OXR1: variants seen among roughly 807,000 people sequenced by gnomAD.
The protein encoded by OXR1 is oxidation resistance protein 1.
A neutral mutation model predicts 104.6 loss-of-function variants in OXR1; 41 were observed. That is an observed-to-expected ratio of 0.39 (90% CI 0.31 to 0.51). OXR1 has a LOEUF of 0.51. Among genes scored for constraint, OXR1 ranks in the 20% least tolerant of loss-of-function variants. The probability of loss-of-function intolerance (pLI) is 0.77; values close to 1 mark genes in which losing one functional copy is unlikely to be tolerated. For synonymous variants in OXR1, 348 were observed against 348.4 expected (o/e 1.00, Z 0.01); for missense variants, 955 against 1,031.9 (o/e 0.93, Z 1.02).
intron 11 of OXR1, among the ~76,000 whole-genome samples, chr8:106,728,392 C>G (rs1833553073): frequency 6.6e-6 from 1 of 152,096 alleles, no homozygotes; most frequent in African/African-American, 2.4e-5. Context: ...ACTGAGGTAT[C>G]TATAGATACC....
At chr8:106,276,041 T>C (rs1812023460) in intron 1 of OXR1, among the ~76,000 whole-genome samples, 1 of 152,162 alleles carries the variant, frequency 6.6e-6, no homozygotes, top group African/African-American at 2.4e-5. Context: ...CTCTTCTATC[T>C]CTGGATTATT....
chr8:106,317,297 T>C (rs1218382382), intron 1 of OXR1, among the ~76,000 whole-genome samples: 1 of 152,164 alleles, frequency 6.6e-6, no homozygotes, highest in Non-Finnish European at 1.5e-5. Context: ...CATTTTTATG[T>C]TTAGGGTTAG....
intron 3 of OXR1, chr8:106,658,264 GC>G (rs1435418729): frequency 8.2e-7 from 1 of 1,223,752 alleles, no homozygotes; most frequent in Non-Finnish European, 1.0e-6. Flanking sequence ...GTGGCGCCGG[GC>G]GGGGGTCGCT....
chr8:106,475,194 C>T (rs1382572697), intron 2 of OXR1, among the ~76,000 whole-genome samples: 2 of 151,854 alleles, frequency 1.3e-5, no homozygotes, highest in African/African-American at 4.8e-5. Context: ...AACTAATAGC[C>T]TACTGCTGGC....
intron 2 of OXR1, among the ~76,000 whole-genome samples, chr8:106,476,799 A>C (rs2129702576): frequency 6.6e-6 from 1 of 151,952 alleles, no homozygotes; most frequent in East Asian, 2.0e-4. Context: ...CAGTTCTCCA[A>C]CTTTAGATTC....
At chr8:106,635,861 C>T (rs186782669) in intron 3 of OXR1, among the ~76,000 whole-genome samples, 1 of 152,288 alleles carries the variant, frequency 6.6e-6, no homozygotes, top group Admixed American at 6.5e-5. Context: ...AGGACAAATT[C>T]ATTGGTCTGG....
chr8:106,302,639 T>G (rs919086395), intron 1 of OXR1, among the ~76,000 whole-genome samples: 15 of 150,982 alleles, frequency 9.9e-5, no homozygotes, highest in African/African-American at 3.7e-4. Flanking sequence ...TATAATATAA[T>G]GACAGAGAAA....
At chr8:106,374,258 G>A (rs896673234) in intron 2 of OXR1, among the ~76,000 whole-genome samples, 1 of 152,088 alleles carries the variant, frequency 6.6e-6, no homozygotes, top group Non-Finnish European at 1.5e-5. Context: ...ATACACCATA[G>A]TGTTATAATT....
chr8:106,410,705 C>T (rs543562956), intron 2 of OXR1, among the ~76,000 whole-genome samples: 1 of 152,052 alleles, frequency 6.6e-6, no homozygotes, highest in South Asian at 2.1e-4. Flanking sequence ...AGGAGAAAAT[C>T]ATTATATGGT....
chr8:106,493,407 A>G (rs1389246892), intron 2 of OXR1, among the ~76,000 whole-genome samples: 1 of 152,214 alleles, frequency 6.6e-6, no homozygotes, highest in South Asian at 2.1e-4. Flanking sequence ...TGTTACCACC[A>G]TAGCCAAGAC....
In OXR1 at chr8:106,519,722, G is replaced by A. The variant is rs1813123126; in HGVS notation, c.220+583G>A. On this transcript the variant is annotated intron_variant, in intron 3 of 16. Transcript: ENST00000517566. ...TTGAATGACATCCAGGCCCTTCATA[G>A]GGAAGAGTAATAGGATATGGCTTGG... is the stretch of plus-strand genomic sequence containing the variant. Among the ~76,000 whole-genome samples, 3 of 152,160 alleles carry A rather than the reference G, an allele frequency of 2.0e-5. No individual in the cohort carries two copies. In the South Asian group the frequency reaches 6.2e-4, roughly 32 times the overall value.
intron 16 of OXR1, among the ~76,000 whole-genome samples, 153 bp downstream of exon 16, chr8:106,746,015 T>C (rs1835368195): frequency 1.3e-5 from 2 of 152,212 alleles, no homozygotes; most frequent in South Asian, 2.1e-4. Flanking sequence ...TTGCAAGAAG[T>C]AGCTCAAGTG....
At position 106,739,717 on chromosome 8, in the gene OXR1, A is replaced by T. The variant is rs192017540; in HGVS notation, c.2163+134A>T. 3.6e-5 allele frequency: 28 copies of T among 778,442 alleles called. No individual in the cohort carries two copies. In the African/African-American group the frequency reaches 4.8e-4, roughly 13 times the overall value. The allele number at this position is 778,442 out of a possible 1,614,324, so 48.2% of individuals were successfully genotyped here. A position where few individuals can be genotyped will look rare whatever the true frequency, so the allele number is the denominator to read the frequency against. ...TTCCACTCCAGTGAAAAGAAAGAGT[A>T]AGCAAAACATAGCAACTAGTGTTAA... On this transcript the variant is annotated intron_variant, in intron 13 of 16. Transcript: ENST00000517566.
chr8:106,353,604 T>G (rs1815830592), intron 1 of OXR1, among the ~76,000 whole-genome samples: 1 of 152,134 alleles, frequency 6.6e-6, no homozygotes, highest in African/African-American at 2.4e-5. Context: ...TTTTTCTTAT[T>G]TTTTAATTGG....
intron 3 of OXR1, among the ~76,000 whole-genome samples, chr8:106,655,647 A>C (rs1374138101): frequency 6.6e-6 from 1 of 152,226 alleles, no homozygotes; most frequent in Admixed American, 6.5e-5. Context: ...TGTAGAAGGC[A>C]AAGTAACATG....
At chr8:106,691,619 C>CATATACATAT (rs1554621611) in intron 6 of OXR1, among the ~76,000 whole-genome samples, 1 of 140,984 alleles carries the variant, frequency 7.1e-6, no homozygotes, top group Non-Finnish European at 1.5e-5. Flanking sequence ...CATATATATA[C>CATATACATAT]ATATATATAT....
chr8:106,726,771 GT>G (rs1299465701), intron 11 of OXR1, among the ~76,000 whole-genome samples: 3 of 152,202 alleles, frequency 2.0e-5, no homozygotes, highest in Admixed American at 6.5e-5. Flanking sequence ...TGTTCAAAAA[GT>G]TTTCAGGCAA....
chr8:106,364,470 C>A (rs565078728), intron 2 of OXR1, among the ~76,000 whole-genome samples: 2 of 152,136 alleles, frequency 1.3e-5, no homozygotes, highest in East Asian at 3.9e-4. Flanking sequence ...GTCCCAGCTA[C>A]TCAGGAGGCT....
chr8:106,302,063 T>C (rs1262737973), intron 1 of OXR1, among the ~76,000 whole-genome samples: 1 of 152,220 alleles, frequency 6.6e-6, no homozygotes, highest in Non-Finnish European at 1.5e-5. Flanking sequence ...TGTCTACTTA[T>C]AGCAAGCTTG....
Sources: gnomAD v4.1 joint callset for allele counts (sites outside exome capture counted in the v4.1 genomes callset) on GRCh38, gnomAD v4.1.1 for gene constraint, MANE v1.5 for transcripts, NCBI Gene and HGNC (gene_info 2026-07-23, HGNC 2026-07-21) for gene names.